Variants in WASF3 observed in about 807,000 individuals in gnomAD.
WASF3 encodes WASP family member 3.
A neutral mutation model predicts 46.6 loss-of-function variants in WASF3; 11 were observed. The observed-to-expected ratio is 0.24, with a 90% CI of 0.15 to 0.39. The LOEUF (loss-of-function observed/expected upper bound fraction) is 0.39, where lower values mean the gene tolerates loss of function less well. Ranked by LOEUF, WASF3 falls within the 10% of genes least tolerant of loss-of-function variation. The pLI is 1.00. For synonymous variants in WASF3, 242 were observed against 259.7 expected, an observed-to-expected ratio of 0.93 and a Z score of 0.65; for missense variants, 576 against 669.8, an observed-to-expected ratio of 0.86 and a Z score of 1.55.
At chr13:26,594,222 T>A (rs183489842) in intron 1 of WASF3, among the ~76,000 whole-genome samples, 1 of 152,336 alleles carries the variant, frequency 6.6e-6, no homozygotes, top group East Asian at 1.9e-4. Flanking sequence ...GCTCTTCTAT[T>A]CTAGTCCTTC....
chr13:26,600,385 G>A (rs2137200766), intron 1 of WASF3, among the ~76,000 whole-genome samples: 1 of 152,306 alleles, frequency 6.6e-6, no homozygotes, highest in South Asian at 2.1e-4. Context: ...GTAAAATGGG[G>A]ATATTAATAG....
At chr13:26,653,019 G>A (rs1273793074) in intron 3 of WASF3, among the ~76,000 whole-genome samples, 9 of 152,114 alleles carry the variant, frequency 5.9e-5, no homozygotes, top group Non-Finnish European at 1.0e-4. Context: ...TCCCCACTCT[G>A]CTGATGACTG....
chr13:26,552,654 A>AATG, the WASF3 span, among the ~76,000 whole-genome samples: 126,790 of 151,894 alleles, frequency 0.83, 53,023 homozygotes, highest in East Asian at 0.9. Flanking sequence ...GCATGTCAAA[A>AATG]ATGACAGTTA....
In WASF3 at chr13:26,682,570, G is replaced by T; in HGVS notation, c.984-37G>T. 6.2e-7 allele frequency: 1 copy of T among 1,613,282 alleles called. No individual in the cohort carries two copies. Among genetic ancestry groups the T allele is most frequent in the Non-Finnish European group, 8.5e-7 (1 of 1,179,786 alleles). On this transcript the variant is annotated intron_variant, in intron 8 of 9. Coordinates refer to ENST00000335327, the MANE Select transcript of WASF3 (RefSeq NM_006646.6). This position sits in a 1 kb window ranked among gnomAD's most constrained non-coding sequence, Gnocchi z 4.4. The stretch of plus-strand genomic sequence containing the variant: ...AGCTCCCAGGACGTGACCCTCTCTT[G>T]TTCCCTTGGTGACTATGTGCCTCAT...
intron 1 of WASF3, 93 bp downstream of exon 1, chr13:26,557,912 C>T: frequency 3.6e-6 from 1 of 275,244 alleles, no homozygotes; most frequent in Non-Finnish European, 6.8e-6. Flanking sequence ...GAGGGGCGGC[C>T]CCACGGCGAA....
At chr13:26,594,823 C>T (rs1880412199) in intron 1 of WASF3, among the ~76,000 whole-genome samples, 1 of 46,156 alleles carries the variant, frequency 2.2e-5, no homozygotes, top group Non-Finnish European at 5.0e-5. Flanking sequence ...TGGAGCTCCA[C>T]ATTGTCTGTC....
chr13:26,631,168 A>G (rs4456357), intron 2 of WASF3, among the ~76,000 whole-genome samples: 20,917 of 152,126 alleles, frequency 0.14, 1,599 homozygotes, highest in South Asian at 0.2. Context: ...ATTAGATCCC[A>G]TTTGTTTATT....
the WASF3 span, among the ~76,000 whole-genome samples, chr13:26,549,787 G>C: frequency 6.6e-6 from 1 of 152,066 alleles, no homozygotes; most frequent in Non-Finnish European, 1.5e-5. Flanking sequence ...CATGGATTTG[G>C]GCTTAGAATG....
At chr13:26,550,960 C>T in the WASF3 span, among the ~76,000 whole-genome samples, 3 of 152,290 alleles carry the variant, frequency 2.0e-5, no homozygotes, top group South Asian at 6.2e-4. Context: ...CTCTATGTCC[C>T]CACCCAAATC....
intron 1 of WASF3, among the ~76,000 whole-genome samples, chr13:26,570,348 C>A (rs937573448): frequency 6.6e-6 from 1 of 152,128 alleles, no homozygotes; most frequent in Non-Finnish European, 1.5e-5. Flanking sequence ...ATTTGATTTT[C>A]TTTTTAACAT....
chr13:26,541,731 C>T, the WASF3 span, among the ~76,000 whole-genome samples: 13 of 151,924 alleles, frequency 8.6e-5, no homozygotes, highest in African/African-American at 1.2e-4. Flanking sequence ...GATCCTCCCG[C>T]GTTGGCCTCC....
chr13:26,639,929 C>T (rs1256159640), intron 2 of WASF3: 2 of 152,230 alleles, frequency 1.3e-5, no homozygotes, highest in Admixed American at 6.6e-5. Context: ...TGAATAATTT[C>T]AGTGGGCTCT....
At chr13:26,653,108 G>C (rs559945812) in intron 3 of WASF3, among the ~76,000 whole-genome samples, 1 of 152,266 alleles carries the variant, frequency 6.6e-6, no homozygotes, top group South Asian at 2.1e-4. Context: ...CACGCTGATA[G>C]GCTCTGCATC....
intron 3 of WASF3, among the ~76,000 whole-genome samples, chr13:26,642,887 T>C (rs1232803650): frequency 2.0e-5 from 3 of 152,130 alleles, no homozygotes; most frequent in Non-Finnish European, 4.4e-5. Flanking sequence ...AGCCAAACAA[T>C]AGATTTGCTG....
the WASF3 span, among the ~76,000 whole-genome samples, chr13:26,548,989 G>T: frequency 2.8e-5 from 4 of 143,722 alleles, no homozygotes; most frequent in Non-Finnish European, 3.0e-5. Flanking sequence ...TTCTTTCTTT[G>T]TTTTTTTTTT....
intron 7 of WASF3, among the ~76,000 whole-genome samples, chr13:26,676,938 T>G (rs1348359796): frequency 4.6e-5 from 7 of 152,220 alleles, no homozygotes; most frequent in Non-Finnish European, 1.0e-4. Flanking sequence ...TTTTAGAAAA[T>G]CTCTCTGACT....
intron 2 of WASF3, chr13:26,618,648 C>T (rs1465048832): frequency 1.3e-5 from 2 of 152,180 alleles, no homozygotes; most frequent in Non-Finnish European, 2.9e-5. Context: ...AGCTGCCTTT[C>T]CCCTATTGGT....
chr13:26,651,884 A>G (rs561978099), intron 3 of WASF3, among the ~76,000 whole-genome samples: 1 of 152,360 alleles, frequency 6.6e-6, no homozygotes, highest in East Asian at 1.9e-4. Context: ...GTTATTTGAA[A>G]GTAGAGATGA....
At chr13:26,579,603 TTTTG>T (rs1375293172) in intron 1 of WASF3, among the ~76,000 whole-genome samples, 2 of 152,174 alleles carry the variant, frequency 1.3e-5, no homozygotes, top group Non-Finnish European at 2.9e-5. Context: ...CTATTTTGTT[TTTTG>T]TTTGTTTCAG....
Sources: gnomAD v4.1 joint callset for allele counts (sites outside exome capture counted in the v4.1 genomes callset) on GRCh38, gnomAD v4.1.1 for gene constraint, Gnocchi (gnomAD v3.1) non-coding constraint, MANE v1.5 for transcripts, NCBI Gene and HGNC (gene_info 2026-07-23, HGNC 2026-07-21) for gene names.